The following CRPPA variants were observed in gnomAD, a reference collection of about 807,000 sequenced individuals.
CRPPA encodes D-ribitol-5-phosphate cytidylyltransferase.
In CRPPA, 43 loss-of-function variants were observed where a neutral mutation model predicts 52.0. The ratio of observed to expected loss-of-function variants is 0.83; its 90% CI spans 0.65 to 1.07. The LOEUF (loss-of-function observed/expected upper bound fraction) is 1.07. CRPPA is among the 50% of genes least tolerant of loss of function. The pLI is 0.00. For synonymous variants in CRPPA, 250 were observed against 203.5 expected (o/e 1.23, Z -1.94); for missense variants, 629 against 551.7 (o/e 1.14, Z -1.40).
chr7:16,350,725 A>G (rs1442528185), intron 3 of CRPPA, among the ~76,000 whole-genome samples: 1 of 152,174 alleles, frequency 6.6e-6, no homozygotes, highest in African/African-American at 2.4e-5. Context: ...CCAAAAACCA[A>G]TTGACAGAAT....
chr7:16,326,007 A>T (rs190118410), intron 3 of CRPPA, among the ~76,000 whole-genome samples: 45 of 152,112 alleles, frequency 3.0e-4, no homozygotes, highest in Admixed American at 6.5e-4. Flanking sequence ...ACGCTTTATT[A>T]AAAAAGATTA....
chr7:16,214,126 T>C (rs956882741), intron 9 of CRPPA, among the ~76,000 whole-genome samples: 1 of 152,248 alleles, frequency 6.6e-6, no homozygotes, highest in Non-Finnish European at 1.5e-5. Context: ...TGAGTTTGCA[T>C]GTTAAATCTG....
intron 8 of CRPPA, among the ~76,000 whole-genome samples, chr7:16,226,466 T>C (rs1265720724): frequency 2.6e-5 from 4 of 151,978 alleles, no homozygotes; most frequent in South Asian, 2.1e-4. Flanking sequence ...AGGTACATCA[T>C]GTGATAGAGC....
intron 8 of CRPPA, among the ~76,000 whole-genome samples, chr7:16,235,240 T>C (rs1007297243): frequency 3.9e-5 from 6 of 152,072 alleles, no homozygotes; most frequent in Non-Finnish European, 8.8e-5. Context: ...ACATTTAAAC[T>C]GCATGCATTT....
chr7:16,160,172 T>A (rs941397494), intron 9 of CRPPA, among the ~76,000 whole-genome samples: 17 of 152,228 alleles, frequency 1.1e-4, no homozygotes, highest in African/African-American at 4.1e-4. Context: ...TTGGTTTAAT[T>A]AGATCCCATT....
intron 1 of CRPPA, 39 bp from the exon 2 acceptor site, chr7:16,406,376 T>C: frequency 2.6e-6 from 4 of 1,555,216 alleles, no homozygotes; most frequent in Non-Finnish European, 3.5e-6. Context: ...AAATTAATTC[T>C]TAGACAACTA....
intron 9 of CRPPA, among the ~76,000 whole-genome samples, chr7:16,102,346 T>C (rs1222311827): frequency 6.6e-6 from 1 of 151,170 alleles, no homozygotes; most frequent in Non-Finnish European, 1.5e-5. Flanking sequence ...CATAAAACCA[T>C]AAAAATCCTA....
Position 16,286,097 on chromosome 7 carries a change from A to AAAATATAT in CRPPA, c.836-7872_836-7871insATATATTT. Among the ~76,000 whole-genome samples, 43 of 39,116 alleles carry AAAATATAT rather than the reference A, an allele frequency of 1.1e-3. 5 individuals are homozygous for AAAATATAT. Among genetic ancestry groups the AAAATATAT allele is most frequent in the East Asian group, 4.9e-3 (8 of 1,624 alleles). The allele number at this position is 39,116 out of a possible 152,430, so 25.7% of individuals were successfully genotyped here. A position where few individuals can be genotyped will look rare whatever the true frequency, so the allele number is the denominator to read the frequency against. On this transcript the variant is annotated intron_variant, in intron 5 of 9. Coordinates refer to ENST00000407010, the MANE Select transcript of CRPPA (RefSeq NM_001101426.4). ...TATATATATAATATTTAAAAAAAAA[A>AAAATATAT]ATATATATATATATATATATGCCAA...
intron 8 of CRPPA, among the ~76,000 whole-genome samples, chr7:16,241,963 T>TTC (rs1783121608): frequency 7.2e-6 from 1 of 139,848 alleles, no homozygotes; most frequent in African/African-American, 2.7e-5. Flanking sequence ...TTTTTTTTTT[T>TTC]TTTTTGTTGG....
chr7:16,214,836 C>A (rs1379255885), intron 9 of CRPPA, among the ~76,000 whole-genome samples: 1 of 152,172 alleles, frequency 6.6e-6, no homozygotes, highest in African/African-American at 2.4e-5. Context: ...GGATACAGAT[C>A]TGAGTTCTGT....
At chr7:16,205,598 C>T (rs1405933590) in intron 9 of CRPPA, among the ~76,000 whole-genome samples, 1 of 152,004 alleles carries the variant, frequency 6.6e-6, no homozygotes, top group Non-Finnish European at 1.5e-5. Flanking sequence ...GCTTTAGAAA[C>T]CTTATGTAAC....
chr7:16,209,102 A>G (rs776753108), intron 9 of CRPPA: 19 of 362,906 alleles, frequency 5.2e-5, no homozygotes, highest in Non-Finnish European at 9.3e-5. Flanking sequence ...GGGCAGACTA[A>G]GCCAATTATC....
At chr7:16,305,503 C>T (rs1784888693) in intron 4 of CRPPA, among the ~76,000 whole-genome samples, 2 of 152,104 alleles carry the variant, frequency 1.3e-5, no homozygotes, top group Admixed American at 6.6e-5. Flanking sequence ...GTGGGGGGAT[C>T]GCCCTTTCAG....
At chr7:16,267,941 G>A (rs1783995819) in intron 6 of CRPPA, among the ~76,000 whole-genome samples, 1 of 152,134 alleles carries the variant, frequency 6.6e-6, no homozygotes, top group Non-Finnish European at 1.5e-5. Context: ...TATACAGGAA[G>A]ATGTATATAG....
chr7:16,182,299 A>C (rs1020339310), intron 9 of CRPPA, among the ~76,000 whole-genome samples: 1 of 151,982 alleles, frequency 6.6e-6, no homozygotes, highest in Non-Finnish European at 1.5e-5. Context: ...AAAGTTTATG[A>C]AATATAAAAA....
chr7:16,256,735 G>A (rs1201259577), intron 8 of CRPPA, among the ~76,000 whole-genome samples: 3 of 152,040 alleles, frequency 2.0e-5, no homozygotes, highest in African/African-American at 7.2e-5. Context: ...GACACAAGGA[G>A]GGGAACATCA....
chr7:16,152,846 T>C (rs576771413), intron 9 of CRPPA, among the ~76,000 whole-genome samples: 80 of 152,108 alleles, frequency 5.3e-4, no homozygotes, highest in African/African-American at 1.8e-3. Context: ...TCTCAAAATA[T>C]CTTAAGAAAT....
At chr7:16,286,330 C>T (rs1418804328) in intron 5 of CRPPA, among the ~76,000 whole-genome samples, 1 of 151,314 alleles carries the variant, frequency 6.6e-6, no homozygotes, top group Non-Finnish European at 1.5e-5. Context: ...CAAATGAAAG[C>T]CTGAGACATC....
At position 16,376,214 on chromosome 7, in the gene CRPPA, A is replaced by G; in HGVS notation, c.562T>C (p.Ser188Pro). The G allele has an allele frequency of 1.2e-6, 2 of 1,610,688 alleles. No homozygotes were observed. The highest frequency in any genetic ancestry group is 1.7e-6 in the Non-Finnish European group (2 of 1,178,522). Residue 188 changes from serine to proline, a missense_variant, in exon 3 of 10, where the codon TCT (serine) becomes CCT (proline). Ser to Pro is a moderately conservative substitution (Grantham distance 74, BLOSUM62 -1). Coordinates refer to ENST00000407010, the MANE Select transcript of CRPPA (RefSeq NM_001101426.4). ...GAAGAIRPLVSTVVSPSADGC... is the reference protein window; with the variant it reads ...GAAGAIRPLVPTVVSPSADGC... ...TCAGCAGATGGACTGACGACAGTAG[A>G]TACAAGAGGTCGAATGGCTCCTGCT...
Sources: allele counts gnomAD v4.1 joint callset (sites outside exome capture counted in the v4.1 genomes callset), GRCh38; gene constraint gnomAD v4.1.1; transcripts MANE v1.5; gene names NCBI Gene and HGNC (gene_info 2026-07-23, HGNC 2026-07-21).